Variants in BNC1 observed in about 807,000 individuals in gnomAD.
BNC1 encodes zinc finger protein basonuclin-1.
A neutral mutation model predicts 66.5 loss-of-function variants in BNC1; 8 were observed. The ratio of observed to expected loss-of-function variants is 0.12; its 90% confidence interval spans 0.07 to 0.22. The LOEUF is 0.22. Ranked by LOEUF, BNC1 falls within the 10% of genes least tolerant of loss-of-function variation. The pLI, the probability that BNC1 is intolerant of heterozygous loss-of-function variation, is 1.00. For synonymous variants in BNC1, 454 were observed against 452.6 expected, an observed-to-expected ratio of 1.00 and a Z score of -0.04; for missense variants, 1,069 against 1,241.3, an observed-to-expected ratio of 0.86 and a Z score of 2.09.
Position 83,257,553 on chromosome 15 carries a change from G to C in BNC1, c.2874C>G (p.Cys958Trp), listed in dbSNP as rs1344093450. Residue 958 changes from cysteine to tryptophan, a missense_variant, in exon 5 of 5, where the codon TGC becomes TGG. Cys to Trp is a radical substitution (Grantham distance 215, BLOSUM62 -2). Around this residue, in one of 7 missense-constraint regions of BNC1, gnomAD observed 657 missense variants for 715.8 expected, o/e 0.92. Coordinates refer to ENST00000345382, the MANE Select transcript of BNC1 (RefSeq NM_001717.4). Reference sequence around the variant, plus strand: ...ACATGGTGTTGCAGCCTGGTACTTTGCATTTGTGGAGCTGCCGGAGGTGCA... The same window carrying C: ...ACATGGTGTTGCAGCCTGGTACTTTCCATTTGTGGAGCTGCCGGAGGTGCA... Reference protein sequence around the residue: ...KTVHLRQLHKCKVPGCNTMFS... With the variant: ...KTVHLRQLHKWKVPGCNTMFS... The C allele has an allele frequency of 1.2e-6, 2 of 1,614,130 alleles. No individual in the cohort carries two copies. Among genetic ancestry groups the C allele is most frequent in the East Asian group, 2.2e-5 (1 of 44,862 alleles).
chr15:83,284,370 C>T (rs1465983531), intron 1 of BNC1, among the ~76,000 whole-genome samples, 160 bp downstream of exon 1: 13 of 151,890 alleles, frequency 8.6e-5, no homozygotes, highest in African/African-American at 2.9e-4. Flanking sequence ...AGACCACGGT[C>T]CCTCCCGCCG....
At chr15:83,264,886 CCA>C in intron 3 of BNC1, 71 bp from the exon 4 acceptor site, 4 of 1,461,370 alleles carry the variant, frequency 2.7e-6, no homozygotes, top group East Asian at 4.5e-5. Context: ...AAAATGTAGT[CCA>C]CTAGACTATG....
At chr15:83,262,079 C>T (rs1268537644) in intron 4 of BNC1, among the ~76,000 whole-genome samples, 21 of 139,570 alleles carry the variant, frequency 1.5e-4, no homozygotes, top group African/African-American at 3.5e-4. Flanking sequence ...GACAGAGTCT[C>T]GCTCTGTCGC....
At chr15:83,270,210 A>G (rs2038256510) in intron 1 of BNC1, among the ~76,000 whole-genome samples, 1 of 152,228 alleles carries the variant, frequency 6.6e-6, no homozygotes, top group African/African-American at 2.4e-5. Context: ...CACCCATTTA[A>G]GGTGTACAAT....
chr15:83,283,072 G>GC (rs2038397468), intron 1 of BNC1: 62 of 1,298,870 alleles, frequency 4.8e-5, no homozygotes, highest in African/African-American at 1.0e-4. Context: ...GATGCCCCCC[G>GC]CCCCCCAACC....
intron 1 of BNC1, among the ~76,000 whole-genome samples, chr15:83,277,409 A>C (rs563156525): frequency 6.6e-6 from 1 of 152,034 alleles, no homozygotes; most frequent in Non-Finnish European, 1.5e-5. Flanking sequence ...TCCCGGGTTC[A>C]AGTGATTCTC....
intron 4 of BNC1, among the ~76,000 whole-genome samples, chr15:83,262,049 T>G (rs1021099101): frequency 7.0e-6 from 1 of 143,582 alleles, no homozygotes; most frequent in Non-Finnish European, 1.5e-5. Context: ...GTTCATGTTT[T>G]TTTTTTTTTT....
rs144958076 is a variant in BNC1, at chr15:83,263,857, C to A, written c.1394G>T (p.Gly465Val). The A allele has an allele frequency of 3.0e-5, 48 of 1,614,138 alleles. No individual in the cohort carries two copies. The African/African-American group carries it at 5.6e-4, about 19-fold the overall frequency. ...CCCAATGTTTGGGAAGGCTGGTTGG[C>A]CTTTGGAATCCTCTCCTGAACCAGG... is the stretch of plus-strand genomic sequence containing the variant. ...SYPGSGEDSKGQPAFPNIGQN... is the reference protein window; with the variant it reads ...SYPGSGEDSKVQPAFPNIGQN... Residue 465 changes from glycine to valine, a missense_variant, in exon 4 of 5, where the codon GGC becomes GTC. Physicochemically the swap from Gly to Val is moderately radical, Grantham distance 109. Around this residue, in one of 7 missense-constraint regions of BNC1, gnomAD observed 657 missense variants for 715.8 expected, o/e 0.92. Transcript: ENST00000345382.
At chr15:83,258,325 T>A (rs1287676120) in intron 4 of BNC1, among the ~76,000 whole-genome samples, 199 bp from the exon 5 acceptor site, 1 of 152,232 alleles carries the variant, frequency 6.6e-6, no homozygotes, top group African/African-American at 2.4e-5. Flanking sequence ...CAGAAGTTAG[T>A]GTTCACCAGG....
chr15:83,280,355 T>C (rs1004705299), intron 1 of BNC1, among the ~76,000 whole-genome samples: 16 of 152,212 alleles, frequency 1.1e-4, no homozygotes, highest in Admixed American at 1.3e-4. Context: ...CCGAACATAG[T>C]TGAATCAGCC....
At position 83,263,954 on chromosome 15, in the gene BNC1, C is replaced by T; in HGVS notation, c.1297G>A (p.Ala433Thr). The T allele has an allele frequency of 6.2e-7, 1 of 1,614,174 alleles. No individual in the cohort carries two copies. Among genetic ancestry groups the T allele is most frequent in the African/African-American group, 1.3e-5 (1 of 75,038 alleles). ...GGGCACTTGTAGTTCTCAGAGCTGGCCAGGTTCAGGCTGTTCCTGAGGTCT... is the reference window on the plus strand; with the variant it reads ...GGGCACTTGTAGTTCTCAGAGCTGGTCAGGTTCAGGCTGTTCCTGAGGTCT... ...DKDLRNSLNL[A>T]SSENYKCPGF... Residue 433 changes from alanine (A) to threonine (T), a missense_variant, in exon 4 of 5, where the codon GCC becomes ACC. Physicochemically the swap from Ala to Thr is moderately conservative, Grantham distance 58. Coordinates refer to ENST00000345382, the MANE Select transcript of BNC1 (RefSeq NM_001717.4).
At chr15:83,262,045 GTTT>G (rs5814139) in intron 4 of BNC1, among the ~76,000 whole-genome samples, 1,481 of 110,528 alleles carry the variant, frequency 0.013, 10 homozygotes, top group Middle Eastern at 0.046. Context: ...ACTAGTTCAT[GTTT>G]TTTTTTTTTT....
chr15:83,281,876 A>G (rs1015767057), intron 1 of BNC1, among the ~76,000 whole-genome samples: 1 of 152,200 alleles, frequency 6.6e-6, no homozygotes, highest in Non-Finnish European at 1.5e-5. Context: ...GATGATCTTG[A>G]GGTACAGAAA....
At chr15:83,282,137 G>A (rs1476109292) in intron 1 of BNC1, among the ~76,000 whole-genome samples, 6 of 152,194 alleles carry the variant, frequency 3.9e-5, no homozygotes, top group Admixed American at 2.6e-4. Flanking sequence ...AGGTACAGAT[G>A]ATATTCAAAT....
At position 83,257,775 on chromosome 15, in the gene BNC1, A is replaced by G. The variant is rs756201171; in HGVS notation, c.2652T>C (p.Thr884=). The change falls in exon 5 of 5, where the codon ACT becomes ACC. Residue 884 remains threonine, a synonymous_variant. Coordinates refer to ENST00000345382, the MANE Select transcript of BNC1 (RefSeq NM_001717.4). ...TCCCATCACTGTCCTCCATAAGCAC[A>G]GTGCCTTCCTCACTCACCCCGTCAG... ...WDSDGVSEEG[T]VLMEDSDGNC... The G allele has an allele frequency of 6.2e-7, 1 of 1,614,160 alleles. No homozygotes were observed. The highest frequency in any genetic ancestry group is 1.1e-5 in the South Asian group (1 of 91,074).
intron 1 of BNC1, among the ~76,000 whole-genome samples, chr15:83,278,434 T>C (rs1401508555): frequency 6.6e-6 from 1 of 152,170 alleles, no homozygotes; most frequent in Admixed American, 6.5e-5. Context: ...GAATATGATT[T>C]GTCAAAAATT....
chr15:83,255,888 C>T lies in BNC1; in HGVS notation c.*1554G>A, dbSNP rs184988026. The stretch of plus-strand genomic sequence containing the variant: ...ACAAAACCATTTTTACAAATGTTTG[C>T]CTTTTTAAACAAAAGGTGTGCCATA... On this transcript the variant is annotated 3_prime_UTR_variant, in exon 5 of 5. Transcript: ENST00000345382. 6.5e-6 allele frequency: 1 copy of T among 152,684 alleles called. No individual in the cohort carries two copies. The highest frequency in any genetic ancestry group is 6.5e-5 in the Admixed American group (1 of 15,292). 9.5% of individuals were successfully genotyped at this position (152,684 alleles called of 1,614,324 possible). A position where few individuals can be genotyped will look rare whatever the true frequency, so the allele number is the denominator to read the frequency against.
In BNC1 at chr15:83,263,099, T is replaced by C. The variant is rs759205974; in HGVS notation, c.2152A>G (p.Asn718Asp). The change falls in exon 4 of 5, where the codon AAT becomes GAT. Residue 718 changes from asparagine to aspartate, a missense_variant. Physicochemically the swap from Asn to Asp is conservative, Grantham distance 23. Coordinates refer to ENST00000345382, the MANE Select transcript of BNC1 (RefSeq NM_001717.4). The stretch of plus-strand genomic sequence containing the variant: ...TTGCAGATGTCACACTGGAAGCGAT[T>C]TTCTTCTATCTGCCTTGCTAATGCA... The part of the protein sequence containing the change: ...QHALARQIEE[N>D]RFQCDICKKT... 2 of 1,614,222 alleles carry C rather than the reference T, an allele frequency of 1.2e-6. No homozygotes were observed. The highest frequency in any genetic ancestry group is 1.7e-6 in the Non-Finnish European group (2 of 1,180,032).
At chr15:83,262,859 CTG>C in intron 4 of BNC1, 90 bp downstream of exon 4, 3 of 1,321,376 alleles carry the variant, frequency 2.3e-6, no homozygotes, top group Non-Finnish European at 3.1e-6. Context: ...GCTCAGAAGT[CTG>C]TGTTTTAACA....
Sources: allele counts gnomAD v4.1 joint callset (sites outside exome capture counted in the v4.1 genomes callset), GRCh38; gene constraint gnomAD v4.1.1; regional missense constraint gnomAD v4.1.1; transcripts MANE v1.5; gene names NCBI Gene and HGNC (gene_info 2026-07-23, HGNC 2026-07-21).